GLYATL3: variants seen among roughly 807,000 people sequenced by gnomAD.
The protein encoded by GLYATL3 is glycine N-acyltransferase-like protein 3.
GLYATL3 carries 31 observed loss-of-function variants against 28.5 expected under a neutral mutation model. That is an observed-to-expected ratio of 1.09 (90% confidence interval 0.82 to 1.47). The LOEUF is 1.47. Ranked by LOEUF, GLYATL3 falls within the 40% of genes most tolerant of loss-of-function variation. The pLI is 0.00. For synonymous variants in GLYATL3, 141 were observed against 140.2 expected, an observed-to-expected ratio of 1.01 and a Z score of -0.04; for missense variants, 369 against 351.5, an observed-to-expected ratio of 1.05 and a Z score of -0.40.
At chr6:49,515,514 T>C in intron 2 of GLYATL3, 139 bp from the exon 3 acceptor site, 1 of 534,762 alleles carries the variant, frequency 1.9e-6, no homozygotes, top group South Asian at 3.1e-5. Context: ...CTATTATGTG[T>C]CTGAATGTAT....
rs56711143 is a variant in GLYATL3, at chr6:49,525,560, C to CAAAAAA, written c.441-898_441-893dup. ...AAACTGAGAGACAGAGCAAGGCTCTCAAAAAAAAAAAAAAAAAAAAAAAAA... is the reference window on the plus strand; with the variant it reads ...AAACTGAGAGACAGAGCAAGGCTCTCAAAAAAAAAAAAAAAAAAAAAAAAAAAAAAA... On this transcript the variant is annotated intron_variant, in intron 5 of 5. Coordinates refer to ENST00000371197, the MANE Select transcript of GLYATL3 (RefSeq NM_001010904.2). 7.2e-4 allele frequency among the ~76,000 whole-genome samples: 48 copies of CAAAAAA among 66,590 alleles called. 2 individuals carry two copies. The highest frequency in any genetic ancestry group is 2.9e-3 in the African/African-American group (45 of 15,298). The allele number at this position is 66,590 out of a possible 152,430, so 43.7% of individuals were successfully genotyped here.
intron 5 of GLYATL3, among the ~76,000 whole-genome samples, chr6:49,523,757 A>G (rs1238318962): frequency 6.6e-6 from 1 of 152,248 alleles, no homozygotes; most frequent in African/African-American, 2.4e-5. Flanking sequence ...ACATCTAAAC[A>G]AGGTTCATAC....
chr6:49,517,198 T>G (rs1428012697), intron 3 of GLYATL3, among the ~76,000 whole-genome samples: 2 of 149,170 alleles, frequency 1.3e-5, no homozygotes, highest in East Asian at 2.0e-4. Context: ...AAAGAAAAAC[T>G]CTTTCCTAAT....
intron 1 of GLYATL3, among the ~76,000 whole-genome samples, chr6:49,506,926 G>A (rs867127425): frequency 1.9e-4 from 29 of 152,214 alleles, no homozygotes; most frequent in Middle Eastern, 3.4e-3. Flanking sequence ...AGTGTTGAAA[G>A]AAACAGTAGG....
chr6:49,522,098 A>G (rs769365449), intron 5 of GLYATL3, among the ~76,000 whole-genome samples: 4 of 152,188 alleles, frequency 2.6e-5, no homozygotes, highest in Non-Finnish European at 4.4e-5. Flanking sequence ...TAAATAATAT[A>G]TACTGTCTGA....
intron 1 of GLYATL3, among the ~76,000 whole-genome samples, chr6:49,509,871 T>G (rs1288711127): frequency 6.6e-6 from 1 of 152,188 alleles, no homozygotes; most frequent in Admixed American, 6.5e-5. Flanking sequence ...CATATTACTT[T>G]GTCCCTCTAT....
chr6:49,510,049 T>TATTTA (rs200522772), intron 1 of GLYATL3, among the ~76,000 whole-genome samples: 39 of 150,414 alleles, frequency 2.6e-4, no homozygotes, highest in Middle Eastern at 3.4e-3. Flanking sequence ...TTTATTTATT[T>TATTTA]TTTTGACGGA....
chr6:49,511,495 C>G (rs888836118), intron 1 of GLYATL3, among the ~76,000 whole-genome samples: 1 of 152,066 alleles, frequency 6.6e-6, no homozygotes, highest in Admixed American at 6.6e-5. Flanking sequence ...AGGTTCTTAC[C>G]CTGAGCTTCA....
chr6:49,515,782 A>T, intron 3 of GLYATL3, 22 bp downstream of exon 3: 1 of 1,380,358 alleles, frequency 7.2e-7, no homozygotes, highest in Non-Finnish European at 1.0e-6. Flanking sequence ...AAAGGTAAAA[A>T]GTTTAAAAAT....
rs751228425 is a variant in GLYATL3, at chr6:49,526,790, A to C, written c.743A>C (p.Asn248Thr). ...AGCCGGGGATTCCCCTCTCAGGGGA[A>C]CGTCCTGGATGACAACACGGCGTCT... ...LQSRGFPSQG[N>T]VLDDNTASIS... Residue 248 changes from asparagine (N) to threonine (T), a missense_variant, in exon 6 of 6, where the codon AAC (asparagine) becomes ACC (threonine). Physicochemically the swap from Asn to Thr is moderately conservative, Grantham distance 65. Transcript: ENST00000371197. 1.8e-5 allele frequency: 28 copies of C among 1,551,858 alleles called. No individual in the cohort carries two copies. Among genetic ancestry groups the C allele is most frequent in the Non-Finnish European group, 1.9e-5 (22 of 1,147,038 alleles).
chr6:49,524,628 A>G (rs577596704), intron 5 of GLYATL3, among the ~76,000 whole-genome samples: 1 of 152,296 alleles, frequency 6.6e-6, no homozygotes, highest in Non-Finnish European at 1.5e-5. Flanking sequence ...AATACTGCCA[A>G]TGGAAAAGTT....
intron 2 of GLYATL3, among the ~76,000 whole-genome samples, chr6:49,513,902 C>G (rs977794368): frequency 1.3e-5 from 2 of 152,110 alleles, no homozygotes; most frequent in Admixed American, 1.3e-4. Context: ...CCCAGGAGTT[C>G]AAGGCCAGCA....
chr6:49,499,979 A>C lies in GLYATL3; in HGVS notation c.-92A>C, dbSNP rs1031759941. 2 of 152,060 alleles carry C rather than the reference A, an allele frequency of 1.3e-5. No homozygotes were observed. The highest frequency in any genetic ancestry group is 2.1e-4 in the South Asian group (1 of 4,818). 9.4% of individuals were successfully genotyped at this position (152,060 alleles called of 1,614,324 possible). ...CTTGAAGAATAAACTTACCATTTAT[A>C]TAAAAGGGCTACTGGACTGATACAC... On this transcript the variant is annotated 5_prime_UTR_variant, in exon 1 of 6. Transcript: ENST00000371197.
At chr6:49,526,195 C>T (rs1046636506) in intron 5 of GLYATL3, among the ~76,000 whole-genome samples, 1 of 152,044 alleles carries the variant, frequency 6.6e-6, no homozygotes, top group Non-Finnish European at 1.5e-5. Flanking sequence ...AGGGGTGAAT[C>T]ACGAGGTCAG....
intron 1 of GLYATL3, among the ~76,000 whole-genome samples, chr6:49,505,316 C>T (rs1036465994): frequency 8.5e-5 from 13 of 152,188 alleles, no homozygotes; most frequent in African/African-American, 3.1e-4. Context: ...GTAGCTGTTT[C>T]TATTGCCTTA....
intron 1 of GLYATL3, among the ~76,000 whole-genome samples, chr6:49,501,327 G>A: frequency 6.6e-6 from 1 of 152,186 alleles, no homozygotes; most frequent in East Asian, 1.9e-4. Flanking sequence ...CTCTCTCTTT[G>A]TTCCTAGGTG....
chr6:49,514,810 G>T (rs1769184388), intron 2 of GLYATL3, among the ~76,000 whole-genome samples: 1 of 152,104 alleles, frequency 6.6e-6, no homozygotes, highest in Non-Finnish European at 1.5e-5. Context: ...TCCAGCCTGG[G>T]TGACAGAGCG....
At chr6:49,514,639 T>C (rs1233884345) in intron 2 of GLYATL3, among the ~76,000 whole-genome samples, 1 of 151,798 alleles carries the variant, frequency 6.6e-6, no homozygotes, top group African/African-American at 2.4e-5. Context: ...GAGACCTGCC[T>C]GGGCAACATA....
At chr6:49,524,956 G>A (rs1446921973) in intron 5 of GLYATL3, among the ~76,000 whole-genome samples, 12 of 122,880 alleles carry the variant, frequency 9.8e-5, no homozygotes, top group Admixed American at 6.0e-4. Context: ...GCAACAATGC[G>A]AGACTCCCTC....
Sources: gnomAD v4.1 joint callset for allele counts (sites outside exome capture counted in the v4.1 genomes callset) on GRCh38, gnomAD v4.1.1 for gene constraint, MANE v1.5 for transcripts, NCBI Gene and HGNC (gene_info 2026-07-23, HGNC 2026-07-21) for gene names.